POLN: variants seen among roughly 807,000 people sequenced by gnomAD.
POLN encodes DNA polymerase N.
A neutral mutation model predicts 113.5 loss-of-function variants in POLN; 108 were observed. The ratio of observed to expected loss-of-function variants is 0.95; its 90% CI spans 0.81 to 1.12. The LOEUF is 1.12. Among genes scored for constraint, POLN ranks in the 50% most tolerant of loss-of-function variants. The pLI is 0.00. For synonymous variants in POLN, 386 were observed against 391.5 expected, an observed-to-expected ratio of 0.99 and a Z score of 0.17; for missense variants, 1,097 against 1,077.1, an observed-to-expected ratio of 1.02 and a Z score of -0.26.
chr4:2,103,758 T>C (rs1730984229), intron 19 of POLN, among the ~76,000 whole-genome samples: 1 of 152,196 alleles, frequency 6.6e-6, no homozygotes, highest in Admixed American at 6.5e-5. Flanking sequence ...AACAGTAGAC[T>C]TTTCAGCAGA....
chr4:2,119,785 A>G (rs2108717828), intron 19 of POLN, among the ~76,000 whole-genome samples: 1 of 152,246 alleles, frequency 6.6e-6, no homozygotes, highest in South Asian at 2.1e-4. Flanking sequence ...GAACATAAAA[A>G]TTATTTCCAC....
Position 2,176,258 on chromosome 4 carries a change from T to C in POLN, c.1248+8A>G, listed in dbSNP as rs1367185583. ...CTGTCAGCCAGAAATTATAATAAAA[T>C]GCCTTGCCTTCAGTTTAGAGCAAAG... is the stretch of plus-strand genomic sequence containing the variant. On this transcript the variant is annotated splice_region_variant and intron_variant, in intron 9 of 25. Transcript: ENST00000511885. 5 of 1,598,758 alleles carry C rather than the reference T, an allele frequency of 3.1e-6. No individual in the cohort carries two copies. In the Admixed American group the frequency reaches 8.5e-5, roughly 27 times the overall value.
rs374163631 is a variant in POLN, at chr4:2,172,749, T to TG, written c.1374+1205_1374+1206insC. On this transcript the variant is annotated intron_variant, in intron 11 of 25. Coordinates refer to ENST00000511885, the MANE Select transcript of POLN (RefSeq NM_181808.4). Reference sequence around the variant, plus strand: ...TCATGGGTGAGACTCTGGGAAGCCATTGGGCATTATTGAATAAAACTAAGC... The same window carrying TG: ...TCATGGGTGAGACTCTGGGAAGCCATGTGGGCATTATTGAATAAAACTAAGC... 3.2e-3 allele frequency among the ~76,000 whole-genome samples: 492 copies of TG among 152,230 alleles called. 1 individual carries two copies. Among genetic ancestry groups the TG allele is most frequent in the Middle Eastern group, 6.8e-3 (2 of 294 alleles).
chr4:2,160,267 G>A (rs1449217526), intron 13 of POLN, among the ~76,000 whole-genome samples: 1 of 152,132 alleles, frequency 6.6e-6, no homozygotes, highest in Non-Finnish European at 1.5e-5. Context: ...TTAAGCCCCT[G>A]TTCGTGTCTT....
At position 2,185,935 on chromosome 4, in the gene POLN, A is replaced by C. The variant is rs1733261865; in HGVS notation, c.1022-6470T>G. Among the ~76,000 whole-genome samples, 2 of 152,238 alleles carry C rather than the reference A, an allele frequency of 1.3e-5. 1 individual carries two copies. The highest frequency in any genetic ancestry group is 4.1e-4 in the South Asian group (2 of 4,838). On this transcript the variant is annotated intron_variant, in intron 7 of 25. Transcript: ENST00000511885. ...AGAGTGATGTTACCAAAATGGTAGA[A>C]CACAAGAAAGCCGGCTTCACTCTCC...
chr4:2,241,835 G>A (rs1009792761), intron 1 of POLN, 45 bp from the exon 2 acceptor site: 22 of 985,364 alleles, frequency 2.2e-5, no homozygotes, highest in Non-Finnish European at 2.7e-5. Context: ...CGTCGACACC[G>A]AGCTGCAGAA....
Position 2,208,363 on chromosome 4 carries a change from G to A in POLN, c.338C>T (p.Thr113Ile). 3 of 1,613,650 alleles carry A rather than the reference G, an allele frequency of 1.9e-6. No homozygotes were observed. The highest frequency in any genetic ancestry group is 3.3e-5 in the Admixed American group (2 of 59,964). Reference protein sequence around the residue: ...DQKQKSISSLTLSSCLIPQYN... With the variant: ...DQKQKSISSLILSSCLIPQYN... ...CTGTGGAATTAAACAACTTGAAAGA[G>A]TCAATGAGCTGATGCTCTTCTGTTT... Residue 113 changes from threonine to isoleucine, a missense_variant, in exon 5 of 26, where the codon ACT (threonine) becomes ATT (isoleucine). Thr to Ile is a moderately conservative substitution (Grantham distance 89). Transcript: ENST00000511885.
intron 25 of POLN, 131 bp from the exon 26 acceptor site, chr4:2,072,430 C>T (rs1023143778): frequency 4.4e-5 from 34 of 769,468 alleles, no homozygotes; most frequent in Middle Eastern, 7.6e-4. Context: ...CAGACAGCCA[C>T]ACGCACACAT....
At chr4:2,181,792 A>G (rs1255622181) in intron 7 of POLN, among the ~76,000 whole-genome samples, 1 of 152,116 alleles carries the variant, frequency 6.6e-6, no homozygotes, top group Non-Finnish European at 1.5e-5. Context: ...CGAGGTCAGG[A>G]GATTGAGCCC....
intron 11 of POLN, 26 bp from the exon 12 acceptor site, chr4:2,171,207 T>G: frequency 2.5e-6 from 4 of 1,569,444 alleles, no homozygotes; most frequent in Non-Finnish European, 3.5e-6. Context: ...ACACAATTAA[T>G]TTCATTCATA....
intron 19 of POLN, among the ~76,000 whole-genome samples, chr4:2,120,735 T>C (rs1731419541): frequency 6.6e-6 from 1 of 152,202 alleles, no homozygotes; most frequent in Non-Finnish European, 1.5e-5. Flanking sequence ...CCTCAGGTGA[T>C]CCACCCACCT....
At position 2,241,663 on chromosome 4, in the gene POLN, A is replaced by C; in HGVS notation, c.-156T>G. 1.0e-6 allele frequency: 1 copy of C among 985,436 alleles called. No individual in the cohort carries two copies. Among genetic ancestry groups the C allele is most frequent in the Non-Finnish European group, 1.2e-6 (1 of 829,916 alleles). The allele number at this position is 985,436 out of a possible 1,614,324, so 61.0% of individuals were successfully genotyped here. A position where few individuals can be genotyped will look rare whatever the true frequency, so the allele number is the denominator to read the frequency against. On this transcript the variant is annotated 5_prime_UTR_variant, in exon 2 of 26. Coordinates refer to ENST00000511885, the MANE Select transcript of POLN (RefSeq NM_181808.4). ...CCAGCGCTGAGGCAGCCCCGACGCC[A>C]GGGCCGCGCGAACCCCAGAGGCAGC...
At chr4:2,218,124 G>A (rs1734155635) in intron 3 of POLN, among the ~76,000 whole-genome samples, 1 of 151,762 alleles carries the variant, frequency 6.6e-6, no homozygotes, top group African/African-American at 2.4e-5. Context: ...CAGTCTCTTG[G>A]GGAAAAATAA....
At chr4:2,143,845 A>C (rs1732065987) in intron 16 of POLN, among the ~76,000 whole-genome samples, 1 of 152,170 alleles carries the variant, frequency 6.6e-6, no homozygotes, top group Non-Finnish European at 1.5e-5. Context: ...GTGCACACTT[A>C]TCCCAGAAAA....
chr4:2,242,040 G>A lies in POLN; in HGVS notation c.-284+11C>T. The A allele has an allele frequency of 2.0e-6, 2 of 985,592 alleles. No individual in the cohort carries two copies. Among genetic ancestry groups the A allele is most frequent in the Non-Finnish European group, 2.4e-6 (2 of 830,042 alleles). 61.1% of individuals were successfully genotyped at this position (985,592 alleles called of 1,614,324 possible). ...ACCCCTGCGCCCAGAACCGAGGCCC[G>A]CGTCAGTCACCTCAGGAAGTTCCGC... On this transcript the variant is annotated intron_variant, in intron 1 of 25. Coordinates refer to ENST00000511885, the MANE Select transcript of POLN (RefSeq NM_181808.4).
chr4:2,201,297 A>AAAAAC, intron 5 of POLN, among the ~76,000 whole-genome samples: 1 of 147,768 alleles, frequency 6.8e-6, no homozygotes, highest in African/African-American at 2.5e-5. Flanking sequence ...AAAAAAAAAA[A>AAAAAC]AAAAAACGAG....
At chr4:2,232,043 G>A (rs1734599697) in intron 2 of POLN, 1 of 1,534,840 alleles carries the variant, frequency 6.5e-7, no homozygotes, top group Non-Finnish European at 9.0e-7. Context: ...TCCATTTGAT[G>A]TAATTTATTA....
At chr4:2,077,690 C>A (rs189847423) in intron 23 of POLN, among the ~76,000 whole-genome samples, 32 of 152,374 alleles carry the variant, frequency 2.1e-4, no homozygotes, top group Admixed American at 7.8e-4. Flanking sequence ...AAGCAGTTTT[C>A]ACACTTCTTG....
At chr4:2,091,223 A>G (rs1322069546) in intron 20 of POLN, among the ~76,000 whole-genome samples, 1 of 152,248 alleles carries the variant, frequency 6.6e-6, no homozygotes, top group Non-Finnish European at 1.5e-5. Context: ...CGACTTGGCC[A>G]TAACCAGAAG....
Sources: gnomAD v4.1 joint callset for allele counts (sites outside exome capture counted in the v4.1 genomes callset) on GRCh38, gnomAD v4.1.1 for gene constraint, MANE v1.5 for transcripts, NCBI Gene and HGNC (gene_info 2026-07-23, HGNC 2026-07-21) for gene names.